TRMT61B: variants seen among roughly 807,000 people sequenced by gnomAD.
TRMT61B encodes the protein tRNA (adenine(58)-N(1))-methyltransferase, mitochondrial.
Under a neutral mutation model 52.0 loss-of-function variants are expected in TRMT61B, and 56 were observed. The observed-to-expected ratio is 1.08, with a 90% CI of 0.87 to 1.35. TRMT61B has a LOEUF of 1.35. Among genes scored for constraint, TRMT61B ranks in the 40% most tolerant of loss-of-function variants. TRMT61B has a pLI of 0.00. For synonymous variants in TRMT61B, 206 were observed against 220.0 expected (o/e 0.94, Z 0.56); for missense variants, 650 against 577.9 (o/e 1.12, Z -1.28).
intron 3 of TRMT61B, among the ~76,000 whole-genome samples, chr2:28,855,901 G>A (rs1397066478): frequency 2.6e-5 from 4 of 152,132 alleles, no homozygotes; most frequent in Admixed American, 6.6e-5. Context: ...AACCAGGGAC[G>A]CAGAGATTGC....
chr2:28,855,954 G>C (rs1208790746), intron 3 of TRMT61B, among the ~76,000 whole-genome samples: 1 of 152,140 alleles, frequency 6.6e-6, no homozygotes, highest in Non-Finnish European at 1.5e-5. Flanking sequence ...CTGGGCAACA[G>C]AGTGAGACTC....
Position 28,850,103 on chromosome 2 carries a change from G to A in TRMT61B, c.*96C>T. The A allele has an allele frequency of 7.9e-7, 1 of 1,262,548 alleles. No individual in the cohort carries two copies. The highest frequency in any genetic ancestry group is 2.2e-4 in the Middle Eastern group (1 of 4,554). The allele number at this position is 1,262,548 out of a possible 1,614,324, so 78.2% of individuals were successfully genotyped here. A position where few individuals can be genotyped will look rare whatever the true frequency, so the allele number is the denominator to read the frequency against. ...ATAAGTTATATAAGTCATAGTAATA[G>A]CTAAAAATGCCAATCTATGGAAGCA... On this transcript the variant is annotated 3_prime_UTR_variant, in exon 7 of 7. Coordinates refer to ENST00000306108, the MANE Select transcript of TRMT61B (RefSeq NM_017910.4).
intron 3 of TRMT61B, among the ~76,000 whole-genome samples, chr2:28,859,359 G>A (rs1338321761): frequency 2.6e-5 from 4 of 152,182 alleles, no homozygotes; most frequent in African/African-American, 9.7e-5. Context: ...GGGATTACAG[G>A]CGTGAGCCAC....
intron 4 of TRMT61B, 120 bp from the exon 5 acceptor site, chr2:28,851,418 TA>T (rs1044883933): frequency 3.0e-6 from 2 of 666,980 alleles, no homozygotes; most frequent in Admixed American, 3.5e-5. Context: ...GGAGAGGGTT[TA>T]AATATGCAAG....
rs142418443 is a variant in TRMT61B at position 28,852,637 on chromosome 2, T to C, written c.994-138A>G. 514 of 621,928 alleles carry C rather than the reference T, an allele frequency of 8.3e-4. 2 individuals are homozygous for C. Among genetic ancestry groups the C allele is most frequent in the Admixed American group, 1.2e-3 (38 of 31,208 alleles). The allele number at this position is 621,928 out of a possible 1,614,324, so 38.5% of individuals were successfully genotyped here. A position where few individuals can be genotyped will look rare whatever the true frequency, so the allele number is the denominator to read the frequency against. On this transcript the variant is annotated intron_variant, in intron 3 of 6. Transcript: ENST00000306108. The stretch of plus-strand genomic sequence containing the variant: ...TTTTAGAAGGTAGTATTATTAACTA[T>C]CATTTTACCACTCCCAAAAGGGTAT...
intron 3 of TRMT61B, among the ~76,000 whole-genome samples, chr2:28,854,130 T>C (rs547044139): frequency 6.4e-4 from 98 of 152,332 alleles, no homozygotes; most frequent in Non-Finnish European, 1.2e-3. Context: ...GACATCTTAT[T>C]AATTTATTCA....
At chr2:28,860,272 C>CAAAAAAAAAAAAAAAAAAAAAAAAAAA (rs540569211) in intron 3 of TRMT61B, among the ~76,000 whole-genome samples, 1 of 24,478 alleles carries the variant, frequency 4.1e-5, no homozygotes, top group Non-Finnish European at 8.1e-5. Flanking sequence ...ACTCTGTTGC[C>CAAAAAAAAAAAAAAAAAAAAAAAAAAA]AAAAAAAAAA....
chr2:28,869,525 C>A, intron 1 of TRMT61B, 54 bp downstream of exon 1: 1 of 1,229,876 alleles, frequency 8.1e-7, no homozygotes, highest in Non-Finnish European at 1.2e-6. Context: ...CTGAGTACTG[C>A]ATCTGTCTTT....
At chr2:28,857,365 C>A (rs1052465808) in intron 3 of TRMT61B, among the ~76,000 whole-genome samples, 1 of 152,002 alleles carries the variant, frequency 6.6e-6, no homozygotes, top group Admixed American at 6.6e-5. Context: ...TGCCTGTTGA[C>A]TCCAGAAACA....
chr2:28,860,070 G>A (rs375751312), intron 3 of TRMT61B, among the ~76,000 whole-genome samples: 3 of 151,698 alleles, frequency 2.0e-5, no homozygotes, highest in Non-Finnish European at 4.4e-5. Flanking sequence ...TTAGGAGTTC[G>A]AGACCAGCCT....
rs4666122 is a variant in TRMT61B at position 28,869,984 on chromosome 2, G to T, written c.294C>A (p.Ser98=). ...CGCTCGAGTCCTCGAGCTCTCGAGGGGATGACTCTTCCCGCAGCGTCGGCA... is the reference window on the plus strand; with the variant it reads ...CGCTCGAGTCCTCGAGCTCTCGAGGTGATGACTCTTCCCGCAGCGTCGGCA... ...LRLPTLREES[S]PRELEDSSGD... is the part of the protein sequence containing the mutation. The change falls in exon 1 of 7, where the codon TCC becomes TCA. Residue 98 remains serine (S), a synonymous_variant. Transcript: ENST00000306108. 0.44 allele frequency: 712,498 copies of T among 1,613,160 alleles called. 161,487 individuals are homozygous for T. The highest frequency in any genetic ancestry group is 0.76 in the East Asian group (33,896 of 44,830).
At chr2:28,853,839 A>T (rs1393385354) in intron 3 of TRMT61B, among the ~76,000 whole-genome samples, 2 of 151,858 alleles carry the variant, frequency 1.3e-5, no homozygotes, top group African/African-American at 4.8e-5. Context: ...CTGTCTCAAA[A>T]AAAAAAATCA....
At position 28,851,055 on chromosome 2, in the gene TRMT61B, G is replaced by C. The variant is rs1211731627; in HGVS notation, c.1312+17C>G. On this transcript the variant is annotated intron_variant, in intron 5 of 6. Coordinates refer to ENST00000306108, the MANE Select transcript of TRMT61B (RefSeq NM_017910.4). ...CTCCATTCATTACTGCATGCATAAA[G>C]TAAAACTGAAGCTCACCATGGTCAT... is the stretch of plus-strand genomic sequence containing the variant. The C allele has an allele frequency of 3.9e-6, 6 of 1,555,586 alleles. No individual in the cohort carries two copies. The highest frequency in any genetic ancestry group is 5.2e-6 in the Non-Finnish European group (6 of 1,144,684).
rs973803270 is a variant in TRMT61B, at chr2:28,850,055, T to C, written c.*144A>G. ...TTTTGCTATGTTATACATCTTTTAGTTGTTATTTTCAAAATTATATGTATA... is the reference window on the plus strand; with the variant it reads ...TTTTGCTATGTTATACATCTTTTAGCTGTTATTTTCAAAATTATATGTATA... On this transcript the variant is annotated 3_prime_UTR_variant, in exon 7 of 7. Transcript: ENST00000306108. The C allele has an allele frequency of 6.0e-6, 7 of 1,162,556 alleles. No individual in the cohort carries two copies. The African/African-American group carries it at 7.9e-5, about 13-fold the overall frequency. The allele number at this position is 1,162,556 out of a possible 1,614,324, so 72.0% of individuals were successfully genotyped here.
rs538894898 is a variant in TRMT61B, at chr2:28,869,873, T to C, written c.405A>G (p.Glu135=). ...LSQAQSATEV[E]ERHVSPSCST... ...AACAAGAAGGGGAGACGTGACGCTC[T>C]TCGACCTCGGTAGCGGACTGGGCCT... Residue 135 remains glutamate, a synonymous_variant, in exon 1 of 7, where the codon GAA becomes GAG. Coordinates refer to ENST00000306108, the MANE Select transcript of TRMT61B (RefSeq NM_017910.4). 1 of 1,614,180 alleles carries C rather than the reference T, an allele frequency of 6.2e-7. No individual in the cohort carries two copies. The highest frequency in any genetic ancestry group is 1.1e-5 in the South Asian group (1 of 91,084).
chr2:28,854,542 C>T (rs545232231), intron 3 of TRMT61B, among the ~76,000 whole-genome samples: 8 of 152,124 alleles, frequency 5.3e-5, no homozygotes, highest in South Asian at 2.1e-4. Context: ...GAGTTCAAGA[C>T]CAGCCTGGCC....
Position 28,850,237 on chromosome 2 carries a change from G to A in TRMT61B, c.1396C>T (p.Leu466Phe). Residue 466 changes from leucine to phenylalanine, a missense_variant, in exon 7 of 7, where the codon CTT becomes TTT. Coordinates refer to ENST00000306108, the MANE Select transcript of TRMT61B (RefSeq NM_017910.4). ...GGTTTGACCTTCCTCAACTTGACAAGAAAAGCTAATTTAAGAGAAGAAAAA... is the reference window on the plus strand; with the variant it reads ...GGTTTGACCTTCCTCAACTTGACAAAAAAAGCTAATTTAAGAGAAGAAAAA... ...VHWQPGHTAF[L>F]VKLRKVKPQL... 2 of 1,611,410 alleles carry A rather than the reference G, an allele frequency of 1.2e-6. No individual in the cohort carries two copies. Among genetic ancestry groups the A allele is most frequent in the Non-Finnish European group, 1.7e-6 (2 of 1,178,782 alleles).
intron 3 of TRMT61B, among the ~76,000 whole-genome samples, chr2:28,857,486 G>A (rs116212073): frequency 0.019 from 2,876 of 152,014 alleles, 93 homozygotes; most frequent in African/African-American, 0.066. Context: ...AGTTTAAACA[G>A]GCAGAGAAAA....
chr2:28,850,596 G>C (rs1315515879), intron 5 of TRMT61B, 191 bp from the exon 6 acceptor site: 1 of 521,432 alleles, frequency 1.9e-6, no homozygotes, highest in Non-Finnish European at 3.4e-6. Context: ...ATAAACATAT[G>C]ATTTTATAAC....
Sources: gnomAD v4.1 joint callset for allele counts (sites outside exome capture counted in the v4.1 genomes callset) on GRCh38, gnomAD v4.1.1 for gene constraint, MANE v1.5 for transcripts, NCBI Gene and HGNC (gene_info 2026-07-23, HGNC 2026-07-21) for gene names.